MATN2: variants seen among roughly 807,000 people sequenced by gnomAD.
The protein encoded by MATN2 is matrilin 2, also known as matrilin-2.
MATN2 carries 69 observed loss-of-function variants against 103.2 expected under a neutral mutation model. The observed-to-expected ratio is 0.67, with a 90% CI of 0.55 to 0.82. The LOEUF (loss-of-function observed/expected upper bound fraction) is 0.82, where lower values mean the gene tolerates loss of function less well. MATN2 is among the 40% of genes least tolerant of loss of function. The probability of loss-of-function intolerance (pLI) is 0.00; values close to 1 mark genes in which losing one functional copy is unlikely to be tolerated. For missense variants in MATN2, 1,023 were observed against 1,211.5 expected (o/e 0.84, Z 2.31); for synonymous variants, 429 against 450.2 (o/e 0.95, Z 0.60).
intron 5 of MATN2, among the ~76,000 whole-genome samples, chr8:97,973,073 C>T (rs1046606334): frequency 2.0e-5 from 3 of 152,176 alleles, no homozygotes; most frequent in Non-Finnish European, 4.4e-5. Context: ...TGCCCTAGAA[C>T]TCTCTTGGCC....
At position 98,007,130 on chromosome 8, in the gene MATN2, C is replaced by A; in HGVS notation, c.1353C>A (p.Asp451Glu). Reference protein sequence around the residue: ...CSRVDHCAQQDHGCEQLCLNT... With the variant: ...CSRVDHCAQQEHGCEQLCLNT... Reference sequence around the variant, plus strand: ...GAGTGGACCACTGTGCACAGCAGGACCATGGCTGTGAGCAGCTGTGTCTGA... The same window carrying A: ...GAGTGGACCACTGTGCACAGCAGGAACATGGCTGTGAGCAGCTGTGTCTGA... Residue 451 changes from aspartate to glutamate, a missense_variant, in exon 9 of 19, where the codon GAC becomes GAA. Transcript: ENST00000254898. The surrounding 1 kb of genome is among the most constrained non-coding windows in gnomAD (Gnocchi z 4.2). 3 of 1,612,254 alleles carry A rather than the reference C, an allele frequency of 1.9e-6. No individual in the cohort carries two copies. Among genetic ancestry groups the A allele is most frequent in the Non-Finnish European group, 2.5e-6 (3 of 1,179,196 alleles).
At chr8:98,008,202 C>A (rs1813038061) in intron 10 of MATN2, among the ~76,000 whole-genome samples, 1 of 149,750 alleles carries the variant, frequency 6.7e-6, no homozygotes, top group Non-Finnish European at 1.5e-5. Context: ...GTACATATTT[C>A]CTTGCAGCTG....
intron 4 of MATN2, among the ~76,000 whole-genome samples, chr8:97,950,136 G>A (rs1438920497): frequency 1.3e-5 from 2 of 152,262 alleles, no homozygotes; most frequent in African/African-American, 4.8e-5. Flanking sequence ...TACACTTGAA[G>A]TATGTACAGT....
In MATN2 at chr8:98,005,833, A is replaced by G. The variant is rs1812948861; in HGVS notation, c.1328-1272A>G. Among the ~76,000 whole-genome samples, 1 of 152,244 alleles carries G rather than the reference A, an allele frequency of 6.6e-6. No homozygotes were observed. On this transcript the variant is annotated intron_variant, in intron 8 of 18. Coordinates refer to ENST00000254898, the MANE Select transcript of MATN2 (RefSeq NM_002380.5). This position sits in a 1 kb window ranked among gnomAD's most constrained non-coding sequence, Gnocchi z 4.6. ...GGCAAACTGTGACACAAAGGGATTAAGTCACTGTCCTGGGGTCCTGTGATT... is the reference window on the plus strand; with the variant it reads ...GGCAAACTGTGACACAAAGGGATTAGGTCACTGTCCTGGGGTCCTGTGATT...
intron 6 of MATN2, among the ~76,000 whole-genome samples, chr8:97,985,626 T>C (rs979070895): frequency 1.3e-5 from 2 of 152,242 alleles, no homozygotes; most frequent in Non-Finnish European, 2.9e-5. Flanking sequence ...CTTTTTCTGA[T>C]TACAAAAGTA....
intron 4 of MATN2, among the ~76,000 whole-genome samples, chr8:97,950,025 A>C (rs1223115599): frequency 6.6e-6 from 1 of 152,140 alleles, no homozygotes; most frequent in African/African-American, 2.4e-5. Flanking sequence ...CAGCAGGGAG[A>C]GGGATTACAA....
At chr8:97,896,028 G>T (rs1240670749) in intron 2 of MATN2, among the ~76,000 whole-genome samples, 1 of 152,146 alleles carries the variant, frequency 6.6e-6, no homozygotes, top group Non-Finnish European at 1.5e-5. Flanking sequence ...GAGTTTTTGT[G>T]TAGACCATAG....
intron 2 of MATN2, among the ~76,000 whole-genome samples, chr8:97,919,871 G>A (rs1809754547): frequency 6.6e-6 from 1 of 152,188 alleles, no homozygotes; most frequent in African/African-American, 2.4e-5. Flanking sequence ...GGAGTGTTGG[G>A]GCTCAGAGGA....
At position 98,018,113 on chromosome 8, in the gene MATN2, C is replaced by T. The variant is rs1401970938; in HGVS notation, c.1816C>T (p.Arg606Ter). 4.3e-6 allele frequency: 7 copies of T among 1,613,516 alleles called. No homozygotes were observed. Among genetic ancestry groups the T allele is most frequent in the East Asian group, 2.2e-5 (1 of 44,888 alleles). Reference protein sequence around the residue: ...FRLAEDGKRCRRKDVCKSTHH... With the variant: ...FRLAEDGKRC ...GCTCGCTGAGGATGGGAAACGCTGC[C>T]GAAGTAAGTAGCCTCGAGGTGGAGA... The change falls in exon 12 of 19, where the codon CGA becomes TGA. Residue 606 changes from arginine to a stop codon, truncating the protein, a stop_gained. Coordinates refer to ENST00000254898, the MANE Select transcript of MATN2 (RefSeq NM_002380.5). LOFTEE classifies it high-confidence loss of function.
chr8:97,931,501 G>A lies in MATN2; in HGVS notation c.691G>A (p.Val231Met), dbSNP rs1007833956. The A allele has an allele frequency of 1.2e-5, 20 of 1,608,964 alleles. No homozygotes were observed. Among genetic ancestry groups the A allele is most frequent in the Admixed American group, 3.4e-5 (2 of 59,676 alleles). ...NFSQIETLTSVFQKKLCTAHM... is the reference protein window; with the variant it reads ...NFSQIETLTSMFQKKLCTAHM... Reference sequence around the variant, plus strand: ...CAGCCAGATTGAGACGCTGACCTCCGTGTTCCAGAAGAAGTTGTGCAGTAA... The same window carrying A: ...CAGCCAGATTGAGACGCTGACCTCCATGTTCCAGAAGAAGTTGTGCAGTAA... The change falls in exon 3 of 19, where the codon GTG becomes ATG. Residue 231 changes from valine (V) to methionine (M), a missense_variant. Val to Met is a conservative substitution (Grantham distance 21, BLOSUM62 1). Coordinates refer to ENST00000254898, the MANE Select transcript of MATN2 (RefSeq NM_002380.5). This position sits in a 1 kb window ranked among gnomAD's most constrained non-coding sequence, Gnocchi z 4.1.
chr8:98,026,220 T>TAAAGA (rs1490146628), intron 13 of MATN2, among the ~76,000 whole-genome samples: 4 of 149,122 alleles, frequency 2.7e-5, no homozygotes, highest in Non-Finnish European at 4.5e-5. Context: ...AGCTTCCATG[T>TAAAGA]AAAGAATTTA....
At chr8:97,949,171 A>AT (rs71271175) in intron 4 of MATN2, among the ~76,000 whole-genome samples, 63,383 of 140,240 alleles carry the variant, frequency 0.45, 14,866 homozygotes, top group South Asian at 0.53. Context: ...ACTAGAATGG[A>AT]TTTTTTTTTT....
rs777272581 is a variant in MATN2, at chr8:98,027,805, T to A, written c.2332T>A (p.Trp778Arg). The change falls in exon 14 of 19, where the codon TGG (tryptophan) becomes AGG (arginine). Residue 778 changes from tryptophan to arginine, a missense_variant. Trp to Arg is a moderately radical substitution (Grantham distance 101). Transcript: ENST00000254898. ...ACGGGCTCAGGATGACGTCTCCGAG[T>A]GGGCCAGTAAAGCCAAGGCCAATGG... ...DGRAQDDVSE[W>R]ASKAKANGIT... 4 of 1,584,570 alleles carry A rather than the reference T, an allele frequency of 2.5e-6. No homozygotes were observed. Among genetic ancestry groups the A allele is most frequent in the Non-Finnish European group, 3.4e-6 (4 of 1,166,782 alleles).
At chr8:97,972,881 G>A (rs1350090753) in intron 5 of MATN2, among the ~76,000 whole-genome samples, 1 of 152,208 alleles carries the variant, frequency 6.6e-6, no homozygotes, top group Non-Finnish European at 1.5e-5. Flanking sequence ...AAATGACTGA[G>A]AACAGATTTT....
chr8:98,000,468 G>A (rs1013023615), intron 7 of MATN2, among the ~76,000 whole-genome samples: 3 of 151,594 alleles, frequency 2.0e-5, no homozygotes, highest in Non-Finnish European at 4.4e-5. Context: ...GTGGTAGCGG[G>A]CACCTGTAGT....
chr8:97,966,334 T>C (rs923939263), intron 5 of MATN2, among the ~76,000 whole-genome samples: 2 of 151,804 alleles, frequency 1.3e-5, no homozygotes, highest in Non-Finnish European at 2.9e-5. Context: ...GGTGGGAGGA[T>C]TGCTTGAGAC....
chr8:97,876,186 A>G (rs1387918729), intron 1 of MATN2, among the ~76,000 whole-genome samples: 1 of 106,300 alleles, frequency 9.4e-6, no homozygotes, highest in Non-Finnish European at 1.9e-5. Flanking sequence ...TAATTATTGT[A>G]TTTTTTTTTT....
At chr8:97,892,607 C>CT (rs1818670626) in intron 2 of MATN2, among the ~76,000 whole-genome samples, 1 of 152,170 alleles carries the variant, frequency 6.6e-6, no homozygotes, top group South Asian at 2.1e-4. Context: ...TTTAAATAGC[C>CT]TTTTCATATA....
At chr8:98,013,974 T>C (rs1410467565) in intron 10 of MATN2, among the ~76,000 whole-genome samples, 2 of 152,064 alleles carry the variant, frequency 1.3e-5, no homozygotes, top group African/African-American at 4.8e-5. Context: ...CTAAGCATGG[T>C]GGCATGCACC....
Sources: allele counts gnomAD v4.1 joint callset (sites outside exome capture counted in the v4.1 genomes callset), GRCh38; gene constraint gnomAD v4.1.1; non-coding constraint Gnocchi (gnomAD v3.1); transcripts MANE v1.5; gene names NCBI Gene and HGNC (gene_info 2026-07-23, HGNC 2026-07-21).